Variants in TMEM132D observed in about 807,000 individuals in gnomAD.
The protein encoded by TMEM132D is transmembrane protein 132D, also known as mature OL transmembrane protein.
A neutral mutation model predicts 62.3 loss-of-function variants in TMEM132D; 21 were observed. The ratio of observed to expected loss-of-function variants is 0.34; its 90% CI spans 0.24 to 0.49. The LOEUF (loss-of-function observed/expected upper bound fraction) is 0.49, where lower values mean the gene tolerates loss of function less well. TMEM132D is among the 20% of genes least tolerant of loss of function. The pLI, the probability that TMEM132D is intolerant of heterozygous loss-of-function variation, is 0.99. For missense variants in TMEM132D, 1,346 were observed against 1,402.8 expected, an observed-to-expected ratio of 0.96 and a Z score of 0.65; for synonymous variants, 621 against 575.6, an observed-to-expected ratio of 1.08 and a Z score of -1.13.
chr12:129,241,859 T>G lies in TMEM132D; in HGVS notation c.1300-32196A>C, dbSNP rs1460951370. 8.5e-5 allele frequency among the ~76,000 whole-genome samples: 13 copies of G among 152,214 alleles called. 1 individual carries two copies. Among genetic ancestry groups the G allele is most frequent in the African/African-American group, 3.1e-4 (13 of 41,462 alleles). ...TTGGAGAGGAGATTATCAAAAATAC[T>G]TGCTGAATGGATGGCACATATTAGG... On this transcript the variant is annotated intron_variant, in intron 4 of 8. Transcript: ENST00000422113.
chr12:129,467,355 TG>T (rs1873942833), intron 3 of TMEM132D, among the ~76,000 whole-genome samples: 1 of 152,170 alleles, frequency 6.6e-6, no homozygotes, highest in Non-Finnish European at 1.5e-5. Context: ...GAAAGGAAGC[TG>T]GGGGCTTAAG....
chr12:129,739,858 G>A (rs1869544460), intron 1 of TMEM132D, among the ~76,000 whole-genome samples: 1 of 152,146 alleles, frequency 6.6e-6, no homozygotes, highest in African/African-American at 2.4e-5. Flanking sequence ...TTCTCCATTG[G>A]TAATTAACAT....
intron 4 of TMEM132D, among the ~76,000 whole-genome samples, chr12:129,325,175 C>A (rs962953594): frequency 1.3e-5 from 2 of 152,150 alleles, no homozygotes; most frequent in African/African-American, 4.8e-5. Context: ...GAGCTTCTGC[C>A]GCGGGATGGA....
chr12:129,574,661 A>C (rs1354539343), intron 2 of TMEM132D, among the ~76,000 whole-genome samples: 1 of 151,834 alleles, frequency 6.6e-6, no homozygotes, highest in Non-Finnish European at 1.5e-5. Flanking sequence ...AAGGTGAGGT[A>C]TCCAGGCTCA....
intron 4 of TMEM132D, among the ~76,000 whole-genome samples, chr12:129,255,999 G>C (rs114309105): frequency 6.6e-6 from 1 of 152,214 alleles, no homozygotes; most frequent in Non-Finnish European, 1.5e-5. Flanking sequence ...GCTGGTGAAA[G>C]AAAGGAAGAA....
At chr12:129,791,732 T>C (rs1158932996) in intron 1 of TMEM132D, among the ~76,000 whole-genome samples, 1 of 152,218 alleles carries the variant, frequency 6.6e-6, no homozygotes, top group African/African-American at 2.4e-5. Context: ...ATCCAATTAC[T>C]AAATGAATGT....
intron 3 of TMEM132D, among the ~76,000 whole-genome samples, chr12:129,527,564 A>G (rs906979226): frequency 1.3e-5 from 2 of 152,168 alleles, no homozygotes; most frequent in Non-Finnish European, 2.9e-5. Flanking sequence ...TTCTCATTCA[A>G]GTATACTGAT....
At chr12:129,676,590 T>G (rs1163601594) in intron 2 of TMEM132D, among the ~76,000 whole-genome samples, 1 of 152,164 alleles carries the variant, frequency 6.6e-6, no homozygotes, top group Non-Finnish European at 1.5e-5. Context: ...ACCAGACTCT[T>G]TTAAACAATC....
Position 129,635,881 on chromosome 12 carries a change from G to A in TMEM132D, c.968+63929C>T, listed in dbSNP as rs1040459152. Among the ~76,000 whole-genome samples, 9 of 152,256 alleles carry A rather than the reference G, an allele frequency of 5.9e-5. 1 individual carries two copies. Among genetic ancestry groups the A allele is most frequent in the Admixed American group, 5.2e-4 (8 of 15,294 alleles). Reference sequence around the variant, plus strand: ...TTCAGGGAGATATAAGACATTAATCGATACATGTAGGGTATACATTGGTTC... The same window carrying A: ...TTCAGGGAGATATAAGACATTAATCAATACATGTAGGGTATACATTGGTTC... On this transcript the variant is annotated intron_variant, in intron 2 of 8. Transcript: ENST00000422113.
intron 2 of TMEM132D, among the ~76,000 whole-genome samples, chr12:129,594,851 A>G (rs898467166): frequency 2.0e-5 from 3 of 152,186 alleles, no homozygotes; most frequent in Non-Finnish European, 2.9e-5. Flanking sequence ...AAGGCTTGCA[A>G]TATCTGGGAC....
intron 1 of TMEM132D, among the ~76,000 whole-genome samples, chr12:129,872,054 C>G (rs1164881425): frequency 6.6e-6 from 1 of 152,182 alleles, no homozygotes; most frequent in African/African-American, 2.4e-5. Context: ...TTAATGCTAT[C>G]AACTCTCCCA....
chr12:129,185,149 C>T (rs141488547), intron 5 of TMEM132D, among the ~76,000 whole-genome samples: 1,525 of 152,212 alleles, frequency 0.01, 31 homozygotes, highest in African/African-American at 0.035. Flanking sequence ...CCAGTTCTCC[C>T]TCCAGGAGAG....
intron 1 of TMEM132D, among the ~76,000 whole-genome samples, chr12:129,820,703 T>C (rs1872520370): frequency 6.6e-6 from 1 of 152,208 alleles, no homozygotes; most frequent in African/African-American, 2.4e-5. Context: ...TTTATATGCA[T>C]GCAAAAGCTA....
intron 4 of TMEM132D, among the ~76,000 whole-genome samples, chr12:129,279,147 T>C (rs1881074172): frequency 6.6e-6 from 1 of 152,142 alleles, no homozygotes; most frequent in Non-Finnish European, 1.5e-5. Flanking sequence ...GCAGCCCAAA[T>C]ACAACATTTC....
At chr12:129,815,056 T>C (rs1872305269) in intron 1 of TMEM132D, among the ~76,000 whole-genome samples, 1 of 152,208 alleles carries the variant, frequency 6.6e-6, no homozygotes, top group South Asian at 2.1e-4. Context: ...CTCCCTGAGA[T>C]TGGAGCCTTT....
chr12:129,472,766 T>C (rs1345876347), intron 3 of TMEM132D, among the ~76,000 whole-genome samples: 1 of 152,218 alleles, frequency 6.6e-6, no homozygotes, highest in African/African-American at 2.4e-5. Flanking sequence ...TGAAAGACGT[T>C]CTACTGTGAG....
chr12:129,421,002 C>T (rs1329947071), intron 3 of TMEM132D, among the ~76,000 whole-genome samples: 1 of 143,698 alleles, frequency 7.0e-6, no homozygotes. Context: ...CGCTCTGTTA[C>T]CCAGGCTGGA....
At chr12:129,609,878 G>T (rs1593087349) in intron 2 of TMEM132D, among the ~76,000 whole-genome samples, 1 of 152,200 alleles carries the variant, frequency 6.6e-6, no homozygotes, top group Non-Finnish European at 1.5e-5. Context: ...CCCCACTGGG[G>T]GTTTATCCCT....
intron 6 of TMEM132D, among the ~76,000 whole-genome samples, 161 bp downstream of exon 6, chr12:129,084,336 T>G (rs1340637596): frequency 1.3e-5 from 2 of 152,106 alleles, no homozygotes; most frequent in African/African-American, 4.8e-5. Flanking sequence ...CGAAAAACGC[T>G]GATAAAGAAT....
Sources: allele counts gnomAD v4.1 joint callset (sites outside exome capture counted in the v4.1 genomes callset), GRCh38; gene constraint gnomAD v4.1.1; transcripts MANE v1.5; gene names NCBI Gene and HGNC (gene_info 2026-07-23, HGNC 2026-07-21).